IGFBP2: variants seen among roughly 807,000 people sequenced by gnomAD.
IGFBP2 encodes the protein insulin-like growth factor-binding protein 2.
A neutral mutation model predicts 26.2 loss-of-function variants in IGFBP2; 12 were observed. The ratio of observed to expected loss-of-function variants is 0.46; its 90% confidence interval spans 0.29 to 0.74. The LOEUF (loss-of-function observed/expected upper bound fraction) is 0.74. Ranked by LOEUF, IGFBP2 falls within the 30% of genes least tolerant of loss-of-function variation. The pLI, the probability that IGFBP2 is intolerant of heterozygous loss-of-function variation, is 0.09. For synonymous variants in IGFBP2, 189 were observed against 200.6 expected (o/e 0.94, Z 0.49); for missense variants, 328 against 441.2 (o/e 0.74, Z 2.30).
At position 216,633,482 on chromosome 2, in the gene IGFBP2, G is replaced by C; in HGVS notation, c.-42G>C. ...GGCCGTGCCACCTGCCCGCCCGCCC[G>C]CTCGCTCGCTCGCCCGCCGCGCCGC... is the stretch of plus-strand genomic sequence containing the variant. On this transcript the variant is annotated 5_prime_UTR_variant, in exon 1 of 4. Coordinates refer to ENST00000233809, the MANE Select transcript of IGFBP2 (RefSeq NM_000597.3). 1 of 501,560 alleles carries C rather than the reference G, an allele frequency of 2.0e-6. No individual in the cohort carries two copies. The highest frequency in any genetic ancestry group is 2.6e-6 in the Non-Finnish European group (1 of 385,352). The allele number at this position is 501,560 out of a possible 1,614,324, so 31.1% of individuals were successfully genotyped here.
chr2:216,633,473 C>T lies in IGFBP2; in HGVS notation c.-51C>T, dbSNP rs1195428784. ...CGCTCGCAGGGCCGTGCCACCTGCCCGCCCGCCCGCTCGCTCGCTCGCCCG... is the reference window on the plus strand; with the variant it reads ...CGCTCGCAGGGCCGTGCCACCTGCCTGCCCGCCCGCTCGCTCGCTCGCCCG... On this transcript the variant is annotated 5_prime_UTR_variant, in exon 1 of 4. Transcript: ENST00000233809. 1.8e-4 allele frequency: 78 copies of T among 442,426 alleles called. No individual in the cohort carries two copies. The highest frequency in any genetic ancestry group is 2.2e-4 in the Non-Finnish European group (74 of 331,150). The allele number at this position is 442,426 out of a possible 1,614,324, so 27.4% of individuals were successfully genotyped here. A position where few individuals can be genotyped will look rare whatever the true frequency, so the allele number is the denominator to read the frequency against.
At chr2:216,657,677 G>T (rs1697944799) in intron 1 of IGFBP2, among the ~76,000 whole-genome samples, 1 of 152,168 alleles carries the variant, frequency 6.6e-6, no homozygotes, top group Admixed American at 6.5e-5. Context: ...CTGTGGGCTG[G>T]TGCCTGGGTC....
At chr2:216,646,808 G>C (rs372083558) in intron 1 of IGFBP2, among the ~76,000 whole-genome samples, 1 of 152,246 alleles carries the variant, frequency 6.6e-6, no homozygotes, top group East Asian at 1.9e-4. Context: ...CTCCCACTGG[G>C]TCCCTCCTAC....
At chr2:216,652,136 T>C (rs1266898253) in intron 1 of IGFBP2, among the ~76,000 whole-genome samples, 1 of 151,934 alleles carries the variant, frequency 6.6e-6, no homozygotes, top group Non-Finnish European at 1.5e-5. Flanking sequence ...AAAAATACCA[T>C]GTCTTGTTTA....
chr2:216,662,237 C>G, intron 3 of IGFBP2: 2 of 557,706 alleles, frequency 3.6e-6, no homozygotes, highest in Non-Finnish European at 6.4e-6. Flanking sequence ...ACCGGCCTCA[C>G]TTGGAGTCCA....
At chr2:216,637,547 C>T (rs181214726) in intron 1 of IGFBP2, among the ~76,000 whole-genome samples, 4 of 152,342 alleles carry the variant, frequency 2.6e-5, no homozygotes, top group African/African-American at 9.6e-5. Flanking sequence ...TGATAAGTCC[C>T]TTTGTGTGGT....
At chr2:216,645,865 A>G (rs528361361) in intron 1 of IGFBP2, among the ~76,000 whole-genome samples, 1 of 152,312 alleles carries the variant, frequency 6.6e-6, no homozygotes, top group African/African-American at 2.4e-5. Context: ...TGGTTCTACC[A>G]ACAGCTTAAT....
At chr2:216,659,802 GTATA>G in intron 1 of IGFBP2, 1 of 1,384,730 alleles carries the variant, frequency 7.2e-7, no homozygotes, top group Non-Finnish European at 9.9e-7. Context: ...GGGGCTCTCA[GTATA>G]ATGGGGTTGG....
At chr2:216,663,228 C>T (rs915990776) in intron 3 of IGFBP2, 3 of 152,198 alleles carry the variant, frequency 2.0e-5, no homozygotes, top group African/African-American at 2.4e-5. Flanking sequence ...GAAAAAGTCT[C>T]GATCACTTCT....
rs368788227 is a variant in IGFBP2, at chr2:216,636,514, C to T, written c.442+2549C>T. 1.8e-3 allele frequency among the ~76,000 whole-genome samples: 269 copies of T among 151,400 alleles called. 3 individuals carry two copies. The highest frequency in any genetic ancestry group is 5.9e-3 in the African/African-American group (242 of 41,154). On this transcript the variant is annotated intron_variant, in intron 1 of 3. Transcript: ENST00000233809. Reference sequence around the variant, plus strand: ...TGGGTGGTGGTGAGCCTGTATCCCACGGGGACGATGGGCTGGGGCTTGTTG... The same window carrying T: ...TGGGTGGTGGTGAGCCTGTATCCCATGGGGACGATGGGCTGGGGCTTGTTG...
At chr2:216,657,742 C>T (rs148318506) in intron 1 of IGFBP2, among the ~76,000 whole-genome samples, 2,714 of 152,274 alleles carry the variant, frequency 0.018, 35 homozygotes, top group South Asian at 0.059. Flanking sequence ...CACGCTAAAT[C>T]GGCCTTTTCC....
At chr2:216,640,774 C>A (rs1697597195) in intron 1 of IGFBP2, among the ~76,000 whole-genome samples, 1 of 152,222 alleles carries the variant, frequency 6.6e-6, no homozygotes, top group Non-Finnish European at 1.5e-5. Context: ...TGTTCCTGGA[C>A]AGCTGCCATG....
At chr2:216,663,616 T>A (rs1482143080) in intron 3 of IGFBP2, 6 of 261,804 alleles carry the variant, frequency 2.3e-5, no homozygotes, top group African/African-American at 1.3e-4. Flanking sequence ...CCCCACTGGA[T>A]GGGACCTCTT....
chr2:216,648,903 A>C (rs1001786514), intron 1 of IGFBP2, among the ~76,000 whole-genome samples: 2 of 152,172 alleles, frequency 1.3e-5, no homozygotes, highest in African/African-American at 4.8e-5. Context: ...CACCGCGCCC[A>C]GCCCTGAGAG....
upstream of IGFBP2, among the ~76,000 whole-genome samples, chr2:216,633,176 T>C (rs568833544): frequency 9.2e-5 from 14 of 152,244 alleles, no homozygotes; most frequent in Non-Finnish European, 1.8e-4. Flanking sequence ...CCGCGAGTTA[T>C]CCGTATTCTC....
At chr2:216,647,722 A>G (rs9341149) in intron 1 of IGFBP2, among the ~76,000 whole-genome samples, 37,274 of 151,980 alleles carry the variant, frequency 0.25, 5,222 homozygotes, top group East Asian at 0.37. Flanking sequence ...GGGTTTCACC[A>G]TGTTAGCCAG....
At chr2:216,652,055 C>G (rs1045988135) in intron 1 of IGFBP2, among the ~76,000 whole-genome samples, 1 of 152,102 alleles carries the variant, frequency 6.6e-6, no homozygotes, top group African/African-American at 2.4e-5. Context: ...AGCCACCATG[C>G]CTGGCCACCA....
At chr2:216,660,183 G>GTGTGCTC (rs1698007561) in intron 1 of IGFBP2, among the ~76,000 whole-genome samples, 1 of 152,114 alleles carries the variant, frequency 6.6e-6, no homozygotes, top group Non-Finnish European at 1.5e-5. Context: ...TCATCCCTCT[G>GTGTGCTC]TGTGCCTCTG....
Position 216,633,948 on chromosome 2 carries a change from G to T in IGFBP2, c.425G>T (p.Ser142Ile). ...EKRRDAEYGA[S>I]PEQVADNGDD... is the part of the protein sequence containing the mutation. ...CGCCGGGACGCCGAGTATGGCGCCA[G>T]CCCGGAGCAGGTTGCAGGTAACGCG... Residue 142 changes from serine to isoleucine, a missense_variant, in exon 1 of 4, where the codon AGC becomes ATC. Ser to Ile is a moderately radical substitution (Grantham distance 142). Transcript: ENST00000233809. The T allele has an allele frequency of 6.2e-7, 1 of 1,602,144 alleles. No homozygotes were observed. Among genetic ancestry groups the T allele is most frequent in the Non-Finnish European group, 8.5e-7 (1 of 1,175,560 alleles).
Sources: allele counts gnomAD v4.1 joint callset (sites outside exome capture counted in the v4.1 genomes callset), GRCh38; gene constraint gnomAD v4.1.1; transcripts MANE v1.5; gene names NCBI Gene and HGNC (gene_info 2026-07-23, HGNC 2026-07-21).